The following CCDC126 variants were observed in gnomAD, a reference collection of about 807,000 sequenced individuals.
The protein encoded by CCDC126 is coiled-coil domain-containing protein 126.
Under a neutral mutation model 11.7 loss-of-function variants are expected in CCDC126, and 5 were observed. The observed-to-expected ratio is 0.43, with a 90% CI of 0.22 to 0.90. The LOEUF (loss-of-function observed/expected upper bound fraction) is 0.90, where lower values mean the gene tolerates loss of function less well. Ranked by LOEUF, CCDC126 falls within the 40% of genes least tolerant of loss-of-function variation. CCDC126 has a pLI of 0.27. For missense variants in CCDC126, 150 were observed against 163.1 expected, an observed-to-expected ratio of 0.92 and a Z score of 0.44; for synonymous variants, 60 against 61.9, an observed-to-expected ratio of 0.97 and a Z score of 0.14.
In CCDC126 at chr7:23,626,503, TA is replaced by T. The variant is rs112065382; in HGVS notation, c.238+14958del. Among the ~76,000 whole-genome samples the T allele has an allele frequency of 3.1e-3, 477 of 152,156 alleles. 4 individuals are homozygous for T. The highest frequency in any genetic ancestry group is 4.7e-3 in the Non-Finnish European group (322 of 67,976). On this transcript the variant is annotated intron_variant, in intron 3 of 3. Transcript: ENST00000307471. ...AGCTAATATATTTTTTAATGGAAATTAAAAAAAATATTTATTTTAGGTTTGG... is the reference window on the plus strand; with the variant it reads ...AGCTAATATATTTTTTAATGGAAATTAAAAAAATATTTATTTTAGGTTTGG...
At chr7:23,641,586 T>G (rs1007191684) in intron 3 of CCDC126, among the ~76,000 whole-genome samples, 5 of 152,232 alleles carry the variant, frequency 3.3e-5, no homozygotes, top group African/African-American at 1.2e-4. Context: ...TATCAGTTGT[T>G]AGATGATTTC....
chr7:23,625,588 T>G (rs568655997), intron 3 of CCDC126, among the ~76,000 whole-genome samples: 11 of 152,112 alleles, frequency 7.2e-5, no homozygotes, highest in African/African-American at 2.6e-4. Flanking sequence ...TATGAGAATG[T>G]GAATTATTTG....
chr7:23,625,266 GTGTATA>G (rs1162972284), intron 3 of CCDC126, among the ~76,000 whole-genome samples: 4 of 152,172 alleles, frequency 2.6e-5, no homozygotes, highest in African/African-American at 9.7e-5. Flanking sequence ...ATATATGTGT[GTGTATA>G]TGTATTTCAT....
intron 2 of CCDC126, among the ~76,000 whole-genome samples, chr7:23,610,675 G>A (rs1782696104): frequency 6.6e-6 from 1 of 152,016 alleles, no homozygotes; most frequent in South Asian, 2.1e-4. Flanking sequence ...AATAATTTCT[G>A]GTGACATTTT....
chr7:23,605,788 T>C (rs1291240689), intron 2 of CCDC126, among the ~76,000 whole-genome samples: 3 of 152,204 alleles, frequency 2.0e-5, no homozygotes, highest in Non-Finnish European at 4.4e-5. Flanking sequence ...CATACACATA[T>C]CCCTTTGGGT....
intron 2 of CCDC126, among the ~76,000 whole-genome samples, chr7:23,600,367 T>A (rs1006209943): frequency 3.5e-5 from 5 of 143,026 alleles, no homozygotes; most frequent in African/African-American, 1.4e-4. Flanking sequence ...GGCTGTGTTC[T>A]GTGTTAACCC....
At chr7:23,598,766 A>G (rs750881542) in intron 2 of CCDC126, among the ~76,000 whole-genome samples, 8 of 152,324 alleles carry the variant, frequency 5.3e-5, no homozygotes, top group African/African-American at 1.9e-4. Flanking sequence ...TGTTGGTGTT[A>G]TTTAGTGCAG....
intron 2 of CCDC126, among the ~76,000 whole-genome samples, chr7:23,605,429 G>C (rs1438185765): frequency 1.4e-5 from 2 of 147,954 alleles, no homozygotes; most frequent in Non-Finnish European, 1.5e-5. Flanking sequence ...GTGTGTGTGT[G>C]TGTGTGTGTG....
intron 2 of CCDC126, among the ~76,000 whole-genome samples, chr7:23,609,054 C>G (rs1041097544): frequency 2.0e-5 from 3 of 152,052 alleles, no homozygotes; most frequent in Non-Finnish European, 4.4e-5. Flanking sequence ...GCTGATCCAT[C>G]TAGTTCAGGG....
chr7:23,632,092 G>A (rs965568976), intron 3 of CCDC126, among the ~76,000 whole-genome samples: 3 of 149,844 alleles, frequency 2.0e-5, no homozygotes, highest in African/African-American at 7.3e-5. Flanking sequence ...ACACCAAGTG[G>A]GTTTTTTTTT....
intron 3 of CCDC126, among the ~76,000 whole-genome samples, chr7:23,617,977 T>C (rs116290793): frequency 1.4e-3 from 214 of 152,286 alleles, no homozygotes; most frequent in African/African-American, 5.0e-3. Flanking sequence ...GAGCCAAGTA[T>C]ACTTACTATT....
At chr7:23,628,623 G>C (rs1783053984) in intron 3 of CCDC126, among the ~76,000 whole-genome samples, 1 of 152,182 alleles carries the variant, frequency 6.6e-6, no homozygotes, top group African/African-American at 2.4e-5. Flanking sequence ...GAAGGCAGTA[G>C]GAGCCGGAAA....
At chr7:23,631,846 G>T (rs1361945692) in intron 3 of CCDC126, among the ~76,000 whole-genome samples, 3 of 151,886 alleles carry the variant, frequency 2.0e-5, no homozygotes, top group African/African-American at 7.3e-5. Flanking sequence ...TTTTGCTGGA[G>T]AATTTTCTCT....
chr7:23,631,339 A>G (rs1783109193), intron 3 of CCDC126, among the ~76,000 whole-genome samples: 3 of 152,234 alleles, frequency 2.0e-5, no homozygotes, highest in Admixed American at 1.3e-4. Context: ...GCAGATATCA[A>G]AAGGATAATG....
intron 3 of CCDC126, among the ~76,000 whole-genome samples, chr7:23,630,718 CAAAAAAAAA>C (rs775279967): frequency 4.7e-4 from 12 of 25,526 alleles, no homozygotes; most frequent in African/African-American, 1.3e-3. Flanking sequence ...GACCCTATCT[CAAAAAAAAA>C]AAAAAAAAAA....
intron 3 of CCDC126, among the ~76,000 whole-genome samples, chr7:23,621,010 T>C (rs1172458427): frequency 1.3e-5 from 2 of 152,180 alleles, no homozygotes; most frequent in Non-Finnish European, 2.9e-5. Flanking sequence ...AGTCAGGTAG[T>C]GTGATGCCTC....
chr7:23,608,060 G>C (rs1447242726), intron 2 of CCDC126, among the ~76,000 whole-genome samples: 1 of 152,208 alleles, frequency 6.6e-6, no homozygotes, highest in African/African-American at 2.4e-5. Context: ...ATTTATGAAA[G>C]GAGAAACGTG....
chr7:23,606,803 A>G (rs907048779), intron 2 of CCDC126, among the ~76,000 whole-genome samples: 8 of 152,174 alleles, frequency 5.3e-5, no homozygotes, highest in African/African-American at 1.9e-4. Flanking sequence ...GACCAGGCAC[A>G]GTGGCTCACA....
intron 3 of CCDC126, among the ~76,000 whole-genome samples, chr7:23,615,270 C>G (rs1782777835): frequency 2.6e-5 from 4 of 152,184 alleles, no homozygotes; most frequent in Admixed American, 2.6e-4. Context: ...CAAAAGCAAC[C>G]TCTGCTAGCT....
Sources: gnomAD v4.1 joint callset for allele counts (sites outside exome capture counted in the v4.1 genomes callset) on GRCh38, gnomAD v4.1.1 for gene constraint, MANE v1.5 for transcripts, NCBI Gene and HGNC (gene_info 2026-07-23, HGNC 2026-07-21) for gene names.